Variants in PHF6 observed in about 807,000 individuals in gnomAD.
PHF6 encodes the protein PHD-like zinc finger protein.
Under a neutral mutation model 34.0 loss-of-function variants are expected in PHF6, and 7 were observed. The ratio of observed to expected loss-of-function variants is 0.21; its 90% CI spans 0.12 to 0.39. The LOEUF (loss-of-function observed/expected upper bound fraction) is 0.39. Among genes scored for constraint, PHF6 ranks in the 10% least tolerant of loss-of-function variants. The probability of loss-of-function intolerance (pLI) is 1.00; values close to 1 mark genes in which losing one functional copy is unlikely to be tolerated. For synonymous variants in PHF6, 89 were observed against 88.4 expected (o/e 1.01, Z -0.04); for missense variants, 128 against 262.8 (o/e 0.49, Z 3.55).
chrX:134,391,121 T>C lies in PHF6; in HGVS notation c.241-2380T>C, dbSNP rs1319603727. 2.7e-5 allele frequency among the ~76,000 whole-genome samples: 3 copies of C among 109,367 alleles called. No individual in the cohort carries two copies. The Admixed American group carries it at 3.0e-4, about 11-fold the overall frequency. The allele number at this position is 109,367 out of a possible 115,157, so 95.0% of individuals were successfully genotyped here. On this transcript the variant is annotated intron_variant, in intron 3 of 10. Transcript: ENST00000370803. ...TCCCGAGTAGCTGGGATTACAGGCA[T>C]GTGCCACCACACCTGGCTAGTTTTG...
rs145662265 is a variant in PHF6, at chrX:134,375,192, C to A, written c.-47+1725C>A. Among the ~76,000 whole-genome samples, 87 of 112,120 alleles carry A rather than the reference C, an allele frequency of 7.8e-4. 2 individuals are homozygous for A. In the East Asian group the frequency reaches 0.021, roughly 28 times the overall value. On this transcript the variant is annotated intron_variant, in intron 1 of 10. Coordinates refer to ENST00000370803, the MANE Select transcript of PHF6 (RefSeq NM_001015877.2). ...ATTATTTGAATTTTAGTGGAAAAATCCATTTAGTCATTGCACATTGGGGAA... is the reference window on the plus strand; with the variant it reads ...ATTATTTGAATTTTAGTGGAAAAATACATTTAGTCATTGCACATTGGGGAA...
intron 3 of PHF6, among the ~76,000 whole-genome samples, chrX:134,384,841 C>T (rs938070511): frequency 6.3e-5 from 7 of 110,363 alleles, no homozygotes; most frequent in East Asian, 2.9e-4. Flanking sequence ...TTAGTAGAGA[C>T]GCGGTTTCAC....
At chrX:134,395,249 C>G (rs1184619452) in intron 5 of PHF6, among the ~76,000 whole-genome samples, 1 of 112,155 alleles carries the variant, frequency 8.9e-6, no homozygotes, top group East Asian at 2.8e-4. Flanking sequence ...TTGTGATCAC[C>G]AGGCTTTCTG....
At chrX:134,422,295 G>A (rs1192242910) in intron 9 of PHF6, among the ~76,000 whole-genome samples, 1 of 112,030 alleles carries the variant, frequency 8.9e-6, no homozygotes, top group Non-Finnish European at 1.9e-5. Flanking sequence ...TCCTTTTTCA[G>A]ACATCTAGGT....
intron 9 of PHF6, among the ~76,000 whole-genome samples, chrX:134,424,963 A>T (rs2077503216): frequency 8.9e-6 from 1 of 112,130 alleles, no homozygotes; most frequent in Non-Finnish European, 1.9e-5. Context: ...TTGCCTTATG[A>T]TAACTGTCAT....
intron 5 of PHF6, 146 bp from the exon 6 acceptor site, chrX:134,413,345 G>A (rs1294397353): frequency 4.4e-6 from 2 of 451,967 alleles, no homozygotes; most frequent in Non-Finnish European, 7.4e-6. Flanking sequence ...GAAACATTGG[G>A]TGGCTTTATT....
At chrX:134,425,121 A>G (rs751707024) in intron 9 of PHF6, 80 bp from the exon 10 acceptor site, 37 of 1,125,051 alleles carry the variant, frequency 3.3e-5, no homozygotes, top group Non-Finnish European at 4.3e-5. Flanking sequence ...AATGGGCACT[A>G]GCCTCATCCA....
At chrX:134,420,480 C>T (rs1185767341) in intron 9 of PHF6, among the ~76,000 whole-genome samples, 1 of 109,998 alleles carries the variant, frequency 9.1e-6, no homozygotes, top group Non-Finnish European at 1.9e-5. Flanking sequence ...AAAAACAATT[C>T]CAGTAATAAC....
intron 3 of PHF6, among the ~76,000 whole-genome samples, chrX:134,385,492 C>T (rs941218881): frequency 1.8e-5 from 2 of 111,584 alleles, no homozygotes; most frequent in African/African-American, 6.5e-5. Flanking sequence ...TTGATGTCTT[C>T]TTTGTACTCA....
intron 1 of PHF6, among the ~76,000 whole-genome samples, chrX:134,377,243 A>G (rs1235347622): frequency 8.9e-6 from 1 of 111,824 alleles, no homozygotes; most frequent in African/African-American, 3.2e-5. Flanking sequence ...TTATCTATCT[A>G]TCTGTATTTA....
intron 5 of PHF6, among the ~76,000 whole-genome samples, chrX:134,408,037 C>T (rs2077432977): frequency 8.9e-6 from 1 of 112,144 alleles, no homozygotes; most frequent in Non-Finnish European, 1.9e-5. Context: ...AAGTGATTCT[C>T]CTGCCTCACC....
At chrX:134,407,558 T>G (rs760607360) in intron 5 of PHF6, among the ~76,000 whole-genome samples, 1 of 112,591 alleles carries the variant, frequency 8.9e-6, no homozygotes, top group Non-Finnish European at 1.9e-5. Context: ...AAAAGCAAGA[T>G]GCAGAATAGT....
At chrX:134,375,912 G>A (rs2077276500) in intron 1 of PHF6, among the ~76,000 whole-genome samples, 1 of 110,701 alleles carries the variant, frequency 9.0e-6, no homozygotes, top group Non-Finnish European at 1.9e-5. Context: ...AATCCTAAAA[G>A]TATTTGCTGC....
chrX:134,423,960 G>A (rs777576185), intron 9 of PHF6, among the ~76,000 whole-genome samples: 1 of 109,666 alleles, frequency 9.1e-6, no homozygotes, highest in Non-Finnish European at 1.9e-5. Context: ...AGGGCCGGTC[G>A]TGGGATGGGG....
chrX:134,401,182 C>G (rs1169638068), intron 5 of PHF6, among the ~76,000 whole-genome samples: 1 of 111,440 alleles, frequency 9.0e-6, no homozygotes, highest in Non-Finnish European at 1.9e-5. Flanking sequence ...TCCTAGTATT[C>G]TAAAGCCCTG....
intron 7 of PHF6, 94 bp downstream of exon 7, chrX:134,414,060 A>T (rs760002118): frequency 3.5e-4 from 353 of 995,596 alleles, no homozygotes; most frequent in East Asian, 1.8e-3. Flanking sequence ...TTTTTTTTTT[A>T]AAAATCATTT....
chrX:134,409,304 A>G (rs2077439372), intron 5 of PHF6, among the ~76,000 whole-genome samples: 2 of 111,584 alleles, frequency 1.8e-5, no homozygotes. Context: ...CACCATTATC[A>G]TATTTTCAAT....
intron 5 of PHF6, among the ~76,000 whole-genome samples, chrX:134,410,109 A>G (rs748039500): frequency 8.9e-6 from 1 of 111,745 alleles, no homozygotes; most frequent in Non-Finnish European, 1.9e-5. Flanking sequence ...ATAACAGTGC[A>G]TGTGTCTTTT....
At chrX:134,411,664 A>G (rs957438744) in intron 5 of PHF6, among the ~76,000 whole-genome samples, 5 of 111,582 alleles carry the variant, frequency 4.5e-5, no homozygotes, top group African/African-American at 1.3e-4. Context: ...ATATACATAC[A>G]CATAGATGTC....
Sources: allele counts gnomAD v4.1 joint callset (sites outside exome capture counted in the v4.1 genomes callset), GRCh38; gene constraint gnomAD v4.1.1; transcripts MANE v1.5; gene names NCBI Gene and HGNC (gene_info 2026-07-23, HGNC 2026-07-21).